NFXL1: variants seen among roughly 807,000 people sequenced by gnomAD.
NFXL1 encodes nuclear transcription factor, X-box binding like 1.
In NFXL1, 66 loss-of-function variants were observed where a neutral mutation model predicts 123.3. The ratio of observed to expected loss-of-function variants is 0.54; its 90% CI spans 0.44 to 0.66. The LOEUF (loss-of-function observed/expected upper bound fraction) is 0.66. NFXL1 is among the 30% of genes least tolerant of loss of function. NFXL1 has a pLI of 0.00. For synonymous variants in NFXL1, 346 were observed against 360.8 expected, an observed-to-expected ratio of 0.96 and a Z score of 0.46; for missense variants, 944 against 1,125.6, an observed-to-expected ratio of 0.84 and a Z score of 2.31.
chr4:47,850,704 C>T (rs554183695), intron 22 of NFXL1, among the ~76,000 whole-genome samples: 3 of 152,098 alleles, frequency 2.0e-5, no homozygotes, highest in Non-Finnish European at 2.9e-5. Flanking sequence ...AGGTGGTCTG[C>T]AACTCAGTAA....
chr4:47,870,144 T>C (rs1413070672), intron 18 of NFXL1, among the ~76,000 whole-genome samples: 2 of 152,180 alleles, frequency 1.3e-5, no homozygotes, highest in East Asian at 3.8e-4. Context: ...TGATACTACA[T>C]ATTCTAAAGC....
rs546117120 is a variant in NFXL1, at chr4:47,914,037, G to C, written c.167C>G (p.Thr56Ser). Reference protein sequence around the residue: ...PSGTSPGGVATTAAAGSRHSP... With the variant: ...PSGTSPGGVASTAAAGSRHSP... Reference sequence around the variant, plus strand: ...GTGCCTGCTCCCTGCAGCCGCCGTGGTCGCGACTCCTCCGGGACTGGTGCC... The same window carrying C: ...GTGCCTGCTCCCTGCAGCCGCCGTGCTCGCGACTCCTCCGGGACTGGTGCC... Residue 56 changes from threonine (T) to serine (S), a missense_variant, in exon 2 of 23, where the codon ACC (threonine) becomes AGC (serine). Coordinates refer to ENST00000507489, the MANE Select transcript of NFXL1 (RefSeq NM_001278624.2). 1 of 1,549,338 alleles carries C rather than the reference G, an allele frequency of 6.5e-7. No homozygotes were observed. Among genetic ancestry groups the C allele is most frequent in the African/African-American group, 1.4e-5 (1 of 73,120 alleles).
chr4:47,908,738 G>A (rs1007988835), intron 3 of NFXL1, among the ~76,000 whole-genome samples: 6 of 151,852 alleles, frequency 4.0e-5, no homozygotes, highest in Non-Finnish European at 7.4e-5. Flanking sequence ...GGCGGATCAC[G>A]AGGTCAGGAG....
chr4:47,899,138 CAAAAAAAAAA>C lies in NFXL1; in HGVS notation c.827-28_827-19del, dbSNP rs3057881. ...GCAGGGACCTAGAATTCAGTAAAAGCAAAAAAAAAAAAAAAAAAAAAATCTAAAGTCAGAA... is the reference window on the plus strand; with the variant it reads ...GCAGGGACCTAGAATTCAGTAAAAGCAAAAAAAAAAAATCTAAAGTCAGAA... On this transcript the variant is annotated intron_variant, in intron 6 of 22. Transcript: ENST00000507489. The C allele has an allele frequency of 4.1e-6, 5 of 1,210,908 alleles. No individual in the cohort carries two copies. The highest frequency in any genetic ancestry group is 1.8e-5 in the South Asian group (1 of 55,006). 75.0% of individuals were successfully genotyped at this position (1,210,908 alleles called of 1,614,324 possible).
intron 20 of NFXL1, among the ~76,000 whole-genome samples, chr4:47,852,374 G>A (rs1734167451): frequency 6.6e-6 from 1 of 152,054 alleles, no homozygotes; most frequent in African/African-American, 2.4e-5. Context: ...AGCCACATAT[G>A]GCTACTGAGC....
intron 15 of NFXL1, among the ~76,000 whole-genome samples, chr4:47,882,775 A>C (rs558000471): frequency 6.6e-6 from 1 of 152,358 alleles, no homozygotes; most frequent in Admixed American, 6.5e-5. Flanking sequence ...GATGTTTTCT[A>C]CAACAGTAAT....
chr4:47,884,316 T>G, intron 15 of NFXL1, 30 bp downstream of exon 15: 1 of 1,386,146 alleles, frequency 7.2e-7, no homozygotes, highest in Non-Finnish European at 1.0e-6. Flanking sequence ...TTTTTTGTTT[T>G]TTTTTTTTAA....
At chr4:47,861,312 T>C (rs1734754347) in intron 19 of NFXL1, among the ~76,000 whole-genome samples, 1 of 152,206 alleles carries the variant, frequency 6.6e-6, no homozygotes, top group Admixed American at 6.5e-5. Context: ...TCTTAGATTG[T>C]TCCAAACTAT....
intron 11 of NFXL1, among the ~76,000 whole-genome samples, chr4:47,892,654 C>CA (rs923042035): frequency 6.6e-6 from 1 of 152,086 alleles, no homozygotes; most frequent in Non-Finnish European, 1.5e-5. Flanking sequence ...TAGCCCTAAA[C>CA]AAAAGAGTGT....
At chr4:47,912,385 C>T (rs947688150) in intron 2 of NFXL1, among the ~76,000 whole-genome samples, 1 of 152,018 alleles carries the variant, frequency 6.6e-6, no homozygotes, top group Non-Finnish European at 1.5e-5. Context: ...ACAAGACAAC[C>T]TTCTCACGTA....
intron 17 of NFXL1, among the ~76,000 whole-genome samples, chr4:47,876,569 C>A (rs1735766369): frequency 6.6e-6 from 1 of 152,122 alleles, no homozygotes; most frequent in Non-Finnish European, 1.5e-5. Flanking sequence ...TAGATCATTA[C>A]TGAGCCTTTA....
chr4:47,883,960 C>G (rs1736271328), intron 15 of NFXL1, among the ~76,000 whole-genome samples: 1 of 152,206 alleles, frequency 6.6e-6, no homozygotes, highest in African/African-American at 2.4e-5. Flanking sequence ...TTTAAATATT[C>G]CCCAAGTTTG....
chr4:47,851,185 G>T, intron 21 of NFXL1, 37 bp from the exon 22 acceptor site: 9 of 1,469,726 alleles, frequency 6.1e-6, no homozygotes, highest in Non-Finnish European at 8.6e-6. Context: ...TTACAATTTA[G>T]TCATCACATT....
intron 4 of NFXL1, among the ~76,000 whole-genome samples, chr4:47,903,845 T>A (rs1737450946): frequency 6.6e-6 from 1 of 152,164 alleles, no homozygotes; most frequent in East Asian, 1.9e-4. Context: ...ACCTAACTAA[T>A]GCTAAATTCT....
At chr4:47,903,077 C>T (rs952900885) in intron 5 of NFXL1, 116 bp downstream of exon 5, 18 of 528,344 alleles carry the variant, frequency 3.4e-5, no homozygotes, top group Non-Finnish European at 4.8e-5. Flanking sequence ...ATCTCTTGAA[C>T]CCAGGAGGTG....
intron 13 of NFXL1, 59 bp downstream of exon 13, chr4:47,885,819 CA>C: frequency 6.4e-7 from 1 of 1,556,360 alleles, no homozygotes; most frequent in Non-Finnish European, 8.7e-7. Flanking sequence ...TATTAAAAGC[CA>C]ATATGAATTT....
intron 5 of NFXL1, among the ~76,000 whole-genome samples, chr4:47,900,578 T>G (rs778069863): frequency 6.6e-6 from 1 of 152,204 alleles, no homozygotes; most frequent in Admixed American, 6.5e-5. Flanking sequence ...GACTTTAAAC[T>G]TCCATCATTA....
At position 47,910,818 on chromosome 4, in the gene NFXL1, C is replaced by T; in HGVS notation, c.406+6G>A. The T allele has an allele frequency of 3.9e-6, 6 of 1,521,258 alleles. No homozygotes were observed. Among genetic ancestry groups the T allele is most frequent in the Non-Finnish European group, 4.4e-6 (5 of 1,136,494 alleles). The allele number at this position is 1,521,258 out of a possible 1,614,324, so 94.2% of individuals were successfully genotyped here. A position where few individuals can be genotyped will look rare whatever the true frequency, so the allele number is the denominator to read the frequency against. Reference sequence around the variant, plus strand: ...CGTCAAAAGTCAAAATTTAAAAGATCAGTACCTGTCTGAGTAGTGTATGTT... The same window carrying T: ...CGTCAAAAGTCAAAATTTAAAAGATTAGTACCTGTCTGAGTAGTGTATGTT... On this transcript the variant is annotated splice_donor_region_variant and intron_variant, in intron 3 of 22. Coordinates refer to ENST00000507489, the MANE Select transcript of NFXL1 (RefSeq NM_001278624.2).
intron 18 of NFXL1, among the ~76,000 whole-genome samples, chr4:47,863,464 T>G (rs1333987808): frequency 1.3e-5 from 2 of 152,088 alleles, no homozygotes; most frequent in African/African-American, 2.4e-5. Context: ...GGTGGATCAC[T>G]TGAGGCTGGG....
Sources: allele counts gnomAD v4.1 joint callset (sites outside exome capture counted in the v4.1 genomes callset), GRCh38; gene constraint gnomAD v4.1.1; transcripts MANE v1.5; gene names NCBI Gene and HGNC (gene_info 2026-07-23, HGNC 2026-07-21).